The following CUX1 variants were observed in gnomAD, a reference collection of about 807,000 sequenced individuals.
The protein encoded by CUX1 is cut like homeobox 1.
A neutral mutation model predicts 158.8 loss-of-function variants in CUX1; 31 were observed. That is an observed-to-expected ratio of 0.20 (90% CI 0.15 to 0.26). The LOEUF (loss-of-function observed/expected upper bound fraction) is 0.26. Among genes scored for constraint, CUX1 ranks in the 10% least tolerant of loss-of-function variants. The pLI is 1.00. For synonymous variants in CUX1, 879 were observed against 862.1 expected (o/e 1.02, Z -0.34); for missense variants, 1,589 against 2,014.6 (o/e 0.79, Z 4.04).
At chr7:102,208,196 A>G (rs782532513) in intron 20 of CUX1, among the ~76,000 whole-genome samples, 1 of 151,762 alleles carries the variant, frequency 6.6e-6, no homozygotes, top group Non-Finnish European at 1.5e-5. Context: ...TCAAAAAAAA[A>G]CAAAAGAGAA....
rs1161799259 is a variant in CUX1 at position 102,248,869 on chromosome 7, G to A, written c.4345G>A (p.Ala1449Thr). 16 of 1,307,822 alleles carry A rather than the reference G, an allele frequency of 1.2e-5. No individual in the cohort carries two copies. Among genetic ancestry groups the A allele is most frequent in the Admixed American group, 3.7e-5 (1 of 27,228 alleles). 81.0% of individuals were successfully genotyped at this position (1,307,822 alleles called of 1,614,324 possible). Residue 1449 changes from alanine to threonine, a missense_variant, in exon 24 of 24, where the codon GCC (alanine) becomes ACC (threonine). This residue lies in a region of CUX1 where 344 missense variants were observed against 323.7 expected (regional missense o/e 1.06). Coordinates refer to ENST00000292535, the MANE Select transcript of CUX1 (RefSeq NM_181552.4). This position sits in a 1 kb window ranked among gnomAD's most constrained non-coding sequence, Gnocchi z 5.8. ...GCCCAGCAACAGCAGCAGCAGCAGC[G>A]CCCCCCGCAGGCCCAGCTCGCTGCA... The part of the protein sequence containing the change: ...PPPSNSSSSS[A>T]PRRPSSLQSL...
At chr7:101,886,184 C>A (rs547655014) in intron 1 of CUX1, among the ~76,000 whole-genome samples, 85 of 152,204 alleles carry the variant, frequency 5.6e-4, no homozygotes, top group Middle Eastern at 3.4e-3. Flanking sequence ...GGTCTGCCTT[C>A]CATAGGACTG....
At chr7:102,094,084 C>A (rs148947055) in intron 4 of CUX1, among the ~76,000 whole-genome samples, 2 of 152,140 alleles carry the variant, frequency 1.3e-5, no homozygotes, top group East Asian at 1.9e-4. Flanking sequence ...GGTTTTGGCA[C>A]GCCAAAATTC....
At chr7:102,152,765 G>A (rs1835830674) in intron 8 of CUX1, among the ~76,000 whole-genome samples, 1 of 152,156 alleles carries the variant, frequency 6.6e-6, no homozygotes. Context: ...TCCTCCTGTG[G>A]TTTCTGGTCC....
intron 10 of CUX1, among the ~76,000 whole-genome samples, chr7:102,174,477 C>G (rs1335812228): frequency 6.6e-6 from 1 of 152,144 alleles, no homozygotes; most frequent in Non-Finnish European, 1.5e-5. Context: ...AGCTTTTGCC[C>G]ATGTCTCTCC....
chr7:102,263,496 G>A lies in CUX1; in HGVS notation c.1256-9870G>A, dbSNP rs545711950. 4.0e-5 allele frequency among the ~76,000 whole-genome samples: 6 copies of A among 151,618 alleles called. No individual in the cohort carries two copies. The South Asian group carries it at 8.3e-4, about 21-fold the overall frequency. On this transcript the variant is annotated intron_variant, in intron 14 of 22. Coordinates refer to the CUX1 transcript ENST00000292538. ...GCCCAGCTAATTTTTGTTATTTTTA[G>A]TAGAGACAGGAGTTTCATCATGTTG...
intron 20 of CUX1, among the ~76,000 whole-genome samples, chr7:102,218,389 A>C (rs1360543494): frequency 6.6e-6 from 1 of 152,214 alleles, no homozygotes; most frequent in Non-Finnish European, 1.5e-5. Flanking sequence ...TAATTGAAAC[A>C]GGTTTTCTTT....
intron 1 of CUX1, among the ~76,000 whole-genome samples, chr7:101,825,851 A>C (rs1793232193): frequency 6.7e-6 from 1 of 149,298 alleles, no homozygotes; most frequent in Non-Finnish European, 1.5e-5. Context: ...GTGAGAGCCA[A>C]GTCTTTCTAA....
At chr7:101,888,285 C>T (rs1407441823) in intron 1 of CUX1, among the ~76,000 whole-genome samples, 4 of 151,920 alleles carry the variant, frequency 2.6e-5, no homozygotes, top group African/African-American at 4.8e-5. Flanking sequence ...GAGCCGAGAT[C>T]GTGCCACTGC....
chr7:101,963,411 G>A (rs376176929), intron 2 of CUX1, among the ~76,000 whole-genome samples: 5 of 152,230 alleles, frequency 3.3e-5, no homozygotes, highest in African/African-American at 9.6e-5. Context: ...CGTGGCTCCC[G>A]TCCCCGGGCT....
intron 5 of CUX1, among the ~76,000 whole-genome samples, chr7:102,101,184 C>A (rs528679122): frequency 2.0e-5 from 3 of 152,308 alleles, no homozygotes; most frequent in South Asian, 4.1e-4. Flanking sequence ...TTGGAGGAGA[C>A]AAACATCTAA....
chr7:101,895,305 TG>T (rs1475584891), intron 1 of CUX1, among the ~76,000 whole-genome samples: 3 of 152,174 alleles, frequency 2.0e-5, no homozygotes, highest in African/African-American at 4.8e-5. Flanking sequence ...CCTAGAGTTT[TG>T]TAGCTCCTCA....
At chr7:102,097,227 C>A in intron 4 of CUX1, 137 bp from the exon 5 acceptor site, 1 of 1,025,588 alleles carries the variant, frequency 9.8e-7, no homozygotes, top group Non-Finnish European at 1.4e-6. Flanking sequence ...AGGGGGCTGG[C>A]TGCAGGGGCA....
At chr7:101,926,314 T>G (rs1159969091) in intron 2 of CUX1, among the ~76,000 whole-genome samples, 2 of 152,218 alleles carry the variant, frequency 1.3e-5, no homozygotes, top group African/African-American at 4.8e-5. Flanking sequence ...AGACATTATT[T>G]TCTTTCTTTT....
intron 8 of CUX1, among the ~76,000 whole-genome samples, chr7:102,122,800 G>A (rs1554493888): frequency 1.3e-5 from 2 of 152,126 alleles, no homozygotes; most frequent in South Asian, 2.1e-4. Context: ...TGATGTTTAG[G>A]GAAGGGCTGC....
At chr7:101,944,528 C>T (rs981991224) in intron 2 of CUX1, among the ~76,000 whole-genome samples, 4 of 152,186 alleles carry the variant, frequency 2.6e-5, no homozygotes, top group African/African-American at 7.2e-5. Context: ...AGCAATCCAG[C>T]CTTCTGCCCC....
At chr7:102,037,642 ACGCCCGGCCCT>A (rs1323027352) in intron 3 of CUX1, among the ~76,000 whole-genome samples, 1 of 150,100 alleles carries the variant, frequency 6.7e-6, no homozygotes, top group Non-Finnish European at 1.5e-5. Context: ...GTGAGCCACC[ACGCCCGGCCCT>A]GGGCTGGGTA....
intron 8 of CUX1, 92 bp from the exon 9 acceptor site, chr7:102,158,468 T>C: frequency 3.0e-6 from 4 of 1,326,636 alleles, no homozygotes; most frequent in Non-Finnish European, 4.3e-6. Flanking sequence ...GCACAGCCCT[T>C]CCCGAGCCCT....
chr7:102,248,476 G>T lies in CUX1; in HGVS notation c.3952G>T (p.Ala1318Ser). ...IQAGSQGQAG[A>S]SDSPSARSGR... ...GGCCGGGAGTCAGGGCCAGGCGGGC[G>T]CCAGCGACTCACCCTCGGCCCGCAG... Residue 1318 changes from alanine to serine, a missense_variant, in exon 24 of 24, where the codon GCC (alanine) becomes TCC (serine). By Grantham distance (99) the Ala-to-Ser change is moderately conservative (BLOSUM62 1). This residue lies in a region of CUX1 where 344 missense variants were observed against 323.7 expected (regional missense o/e 1.06). Transcript: ENST00000292535. This position sits in a 1 kb window ranked among gnomAD's most constrained non-coding sequence, Gnocchi z 5.8. 2 of 1,592,640 alleles carry T rather than the reference G, an allele frequency of 1.3e-6. No individual in the cohort carries two copies. The highest frequency in any genetic ancestry group is 1.7e-6 in the Non-Finnish European group (2 of 1,173,512).
Sources: allele counts gnomAD v4.1 joint callset (sites outside exome capture counted in the v4.1 genomes callset), GRCh38; gene constraint gnomAD v4.1.1; regional missense constraint gnomAD v4.1.1; non-coding constraint Gnocchi (gnomAD v3.1); transcripts MANE v1.5; gene names NCBI Gene and HGNC (gene_info 2026-07-23, HGNC 2026-07-21).